The following TEAD1 variants were observed in gnomAD, a reference collection of about 807,000 sequenced individuals.
The protein encoded by TEAD1 is transcriptional enhancer factor TEF-1.
A neutral mutation model predicts 54.9 loss-of-function variants in TEAD1; 9 were observed. The ratio of observed to expected loss-of-function variants is 0.16; its 90% CI spans 0.10 to 0.29. The LOEUF (loss-of-function observed/expected upper bound fraction) is 0.29. Ranked by LOEUF, TEAD1 falls within the 10% of genes least tolerant of loss-of-function variation. TEAD1 has a pLI of 1.00. For synonymous variants in TEAD1, 200 were observed against 187.8 expected, an observed-to-expected ratio of 1.07 and a Z score of -0.53; for missense variants, 387 against 535.9, an observed-to-expected ratio of 0.72 and a Z score of 2.74.
At chr11:12,682,718 G>T (rs2133813078) in intron 2 of TEAD1, among the ~76,000 whole-genome samples, 1 of 152,282 alleles carries the variant, frequency 6.6e-6, no homozygotes, top group African/African-American at 2.4e-5. Flanking sequence ...CTGTGTGCCA[G>T]GGATTTAGTA....
At chr11:12,697,980 G>A (rs1345277584) in intron 2 of TEAD1, among the ~76,000 whole-genome samples, 3 of 148,304 alleles carry the variant, frequency 2.0e-5, no homozygotes, top group Admixed American at 6.7e-5. Flanking sequence ...CCAAGATCAC[G>A]CCACTGCACT....
At chr11:12,831,893 T>C (rs1946791728) in intron 3 of TEAD1, among the ~76,000 whole-genome samples, 1 of 152,220 alleles carries the variant, frequency 6.6e-6, no homozygotes, top group African/African-American at 2.4e-5. Flanking sequence ...TTAAATAGCA[T>C]GTAAGATGCA....
At chr11:12,923,968 G>A (rs1948861057) in intron 10 of TEAD1, among the ~76,000 whole-genome samples, 1 of 152,196 alleles carries the variant, frequency 6.6e-6, no homozygotes, top group South Asian at 2.1e-4. Context: ...TCCTGCTGAA[G>A]ACATTTCTCT....
chr11:12,938,952 A>G lies in TEAD1; in HGVS notation c.*1730A>G, dbSNP rs573413931. 9 of 152,348 alleles carry G rather than the reference A, an allele frequency of 5.9e-5. No individual in the cohort carries two copies. The highest frequency in any genetic ancestry group is 4.1e-4 in the South Asian group (2 of 4,830). The allele number at this position is 152,348 out of a possible 1,614,324, so 9.4% of individuals were successfully genotyped here. A position where few individuals can be genotyped will look rare whatever the true frequency, so the allele number is the denominator to read the frequency against. ...AAAAAACTTAGTTCTACCACATCCAATTAACTTACACACCCCCTTCCCTGT... is the reference window on the plus strand; with the variant it reads ...AAAAAACTTAGTTCTACCACATCCAGTTAACTTACACACCCCCTTCCCTGT... On this transcript the variant is annotated 3_prime_UTR_variant, in exon 13 of 13. Transcript: ENST00000527636.
chr11:12,762,393 A>G (rs1166804654), intron 2 of TEAD1, among the ~76,000 whole-genome samples: 2 of 152,202 alleles, frequency 1.3e-5, no homozygotes, highest in Admixed American at 1.3e-4. Flanking sequence ...AACGAAAAAG[A>G]TAATAGTTTG....
chr11:12,734,138 A>G (rs959201583), intron 2 of TEAD1, among the ~76,000 whole-genome samples: 1 of 151,924 alleles, frequency 6.6e-6, no homozygotes, highest in East Asian at 1.9e-4. Flanking sequence ...CTGGTCTTGA[A>G]CTCCTGGGCT....
intron 9 of TEAD1, among the ~76,000 whole-genome samples, chr11:12,894,108 A>C (rs1948257359): frequency 6.6e-6 from 1 of 152,188 alleles, no homozygotes; most frequent in Non-Finnish European, 1.5e-5. Flanking sequence ...GCATACCTTG[A>C]CATGAGTTAT....
At chr11:12,674,912 G>C (rs1943042246) in intron 1 of TEAD1, 78 bp downstream of exon 1, 1 of 145,984 alleles carries the variant, frequency 6.9e-6, no homozygotes, top group Non-Finnish European at 1.5e-5. Flanking sequence ...CGTCCCTCGC[G>C]GGCCGCTCTT....
chr11:12,839,742 G>A (rs1440227924), intron 3 of TEAD1, among the ~76,000 whole-genome samples: 1 of 152,156 alleles, frequency 6.6e-6, no homozygotes, highest in Non-Finnish European at 1.5e-5. Context: ...GTTTGTTTCA[G>A]TTGGATATTA....
intron 3 of TEAD1, among the ~76,000 whole-genome samples, chr11:12,774,159 C>G (rs763357588): frequency 3.9e-5 from 6 of 152,004 alleles, no homozygotes; most frequent in Non-Finnish European, 5.9e-5. Flanking sequence ...ACAGGAGGCT[C>G]TGGTCATGCA....
In TEAD1 at chr11:12,674,823, C is replaced by T. The variant is rs1335529928; in HGVS notation, c.-219C>T. The T allele has an allele frequency of 2.0e-5, 3 of 151,100 alleles. No homozygotes were observed. Among genetic ancestry groups the T allele is most frequent in the African/African-American group, 4.8e-5 (2 of 41,300 alleles). 9.4% of individuals were successfully genotyped at this position (151,100 alleles called of 1,614,324 possible). On this transcript the variant is annotated 5_prime_UTR_variant, in exon 1 of 13. Transcript: ENST00000527636. ...GGACTCGCCGGGCGCTGCGGTGGCTCCCTGGGCCGAGGTAAGTTGGCGCGC... is the reference window on the plus strand; with the variant it reads ...GGACTCGCCGGGCGCTGCGGTGGCTTCCTGGGCCGAGGTAAGTTGGCGCGC...
chr11:12,719,711 T>C (rs1944143088), intron 2 of TEAD1, among the ~76,000 whole-genome samples: 1 of 151,836 alleles, frequency 6.6e-6, no homozygotes, highest in South Asian at 2.1e-4. Flanking sequence ...AAGCCGTGGG[T>C]TGGACATGGG....
At chr11:12,854,567 C>A (rs558195552) in intron 3 of TEAD1, among the ~76,000 whole-genome samples, 71 of 152,130 alleles carry the variant, frequency 4.7e-4, no homozygotes, top group Non-Finnish European at 8.2e-4. Context: ...GACATAAGCA[C>A]CTCCAAGGCA....
intron 3 of TEAD1, among the ~76,000 whole-genome samples, chr11:12,792,301 G>GA (rs1268064539): frequency 1.4e-5 from 2 of 140,878 alleles, no homozygotes; most frequent in East Asian, 4.2e-4. Context: ...TTGGGGGTGA[G>GA]AAGGGTAAAG....
rs148691197 is a variant in TEAD1, at chr11:12,912,028, A to T, written c.873+9915A>T. Among the ~76,000 whole-genome samples the T allele has an allele frequency of 1.3e-3, 194 of 152,058 alleles. 1 individual carries two copies. The highest frequency in any genetic ancestry group is 4.2e-3 in the African/African-American group (174 of 41,482). On this transcript the variant is annotated intron_variant, in intron 10 of 12. Transcript: ENST00000527636. ...AATGGTCCTAAAGAAATTGCTGTGC[A>T]TTGGGCACTCTGCCACATTGCCAAC... is the stretch of plus-strand genomic sequence containing the variant.
At chr11:12,719,412 G>A (rs76323880) in intron 2 of TEAD1, among the ~76,000 whole-genome samples, 1,686 of 152,170 alleles carry the variant, frequency 0.011, 32 homozygotes, top group African/African-American at 0.037. Flanking sequence ...GAGAGATCCC[G>A]CTTTTGCTCC....
chr11:12,828,596 C>A (rs887325606), intron 3 of TEAD1, among the ~76,000 whole-genome samples: 14 of 150,536 alleles, frequency 9.3e-5, no homozygotes, highest in Non-Finnish European at 1.5e-5. Context: ...CTTAAAGATA[C>A]AGCTTTTGTT....
intron 3 of TEAD1, among the ~76,000 whole-genome samples, chr11:12,826,029 G>T (rs1424177808): frequency 2.0e-5 from 3 of 152,128 alleles, no homozygotes; most frequent in African/African-American, 4.8e-5. Flanking sequence ...ACTCAAAATG[G>T]ATCCTAGGCT....
intron 2 of TEAD1, among the ~76,000 whole-genome samples, chr11:12,748,329 A>G (rs957330383): frequency 2.6e-5 from 4 of 152,196 alleles, no homozygotes; most frequent in East Asian, 1.9e-4. Flanking sequence ...AGTTCCAACA[A>G]TCTGTCAGGT....
Sources: gnomAD v4.1 joint callset for allele counts (sites outside exome capture counted in the v4.1 genomes callset) on GRCh38, gnomAD v4.1.1 for gene constraint, MANE v1.5 for transcripts, NCBI Gene and HGNC (gene_info 2026-07-23, HGNC 2026-07-21) for gene names.